RBFOX1: variants seen among roughly 807,000 people sequenced by gnomAD.
RBFOX1 encodes the protein RNA binding protein fox-1 homolog 1.
A neutral mutation model predicts 57.7 loss-of-function variants in RBFOX1; 8 were observed. The observed-to-expected ratio is 0.14, with a 90% CI of 0.08 to 0.25. RBFOX1 has a LOEUF of 0.25. Among genes scored for constraint, RBFOX1 ranks in the 10% least tolerant of loss-of-function variants. The pLI is 1.00. For missense variants in RBFOX1, 611 were observed against 548.5 expected (o/e 1.11, Z -1.14); for synonymous variants, 326 against 222.4 (o/e 1.47, Z -4.15).
intron 4 of RBFOX1, among the ~76,000 whole-genome samples, chr16:5,999,632 T>C (rs1473073769): frequency 2.0e-5 from 3 of 151,490 alleles, no homozygotes; most frequent in Non-Finnish European, 4.4e-5. Context: ...GAGGCTGAGG[T>C]GGGCGGATCA....
intron 4 of RBFOX1, among the ~76,000 whole-genome samples, chr16:7,367,928 A>T (rs1596583960): frequency 6.6e-6 from 1 of 150,866 alleles, no homozygotes; most frequent in Non-Finnish European, 1.5e-5. Context: ...ACTACACATG[A>T]TCAAACACAT....
At chr16:6,843,594 C>T (rs868347893) in intron 3 of RBFOX1, among the ~76,000 whole-genome samples, 6 of 152,142 alleles carry the variant, frequency 3.9e-5, no homozygotes, top group Non-Finnish European at 8.8e-5. Flanking sequence ...GACGTTGAGG[C>T]AGGAGAATGG....
chr16:5,626,346 C>A (rs1338988215), intron 3 of RBFOX1, among the ~76,000 whole-genome samples: 3 of 152,162 alleles, frequency 2.0e-5, no homozygotes, highest in African/African-American at 7.2e-5. Context: ...TGTAGGCTTT[C>A]TGTGTCTGTG....
intron 1 of RBFOX1, among the ~76,000 whole-genome samples, chr16:6,062,017 G>C (rs1199477952): frequency 6.6e-6 from 1 of 152,064 alleles, no homozygotes. Context: ...TTGATCGAGT[G>C]GCTTATAGAA....
chr16:6,478,431 T>A lies in RBFOX1; in HGVS notation c.-64+161374T>A, dbSNP rs28816186. 4.2e-3 allele frequency among the ~76,000 whole-genome samples: 180 copies of A among 42,900 alleles called. 2 individuals carry two copies. Among genetic ancestry groups the A allele is most frequent in the African/African-American group, 0.019 (124 of 6,506 alleles). 28.1% of individuals were successfully genotyped at this position (42,900 alleles called of 152,430 possible). On this transcript the variant is annotated intron_variant, in intron 2 of 15. Transcript: ENST00000550418. ...TATATATATATATATATATATATAT[T>A]TTTTTTTTTTTTTTTTGTATTTTTA...
chr16:6,163,291 T>G (rs2096893009), intron 1 of RBFOX1, among the ~76,000 whole-genome samples: 1 of 152,184 alleles, frequency 6.6e-6, no homozygotes, highest in Non-Finnish European at 1.5e-5. Context: ...GACCAGAGAA[T>G]GAGTGTCAAG....
intron 4 of RBFOX1, among the ~76,000 whole-genome samples, chr16:7,065,152 C>G (rs2055642470): frequency 2.0e-5 from 3 of 152,178 alleles, no homozygotes; most frequent in Admixed American, 2.0e-4. Flanking sequence ...GTAACCTTAC[C>G]TAAATGAGCA....
chr16:6,550,133 C>T (rs545319903), intron 2 of RBFOX1, among the ~76,000 whole-genome samples: 261 of 152,144 alleles, frequency 1.7e-3, no homozygotes, highest in Non-Finnish European at 6.8e-4. Flanking sequence ...GAGTCCCTCT[C>T]CCTCCCCTCT....
rs79997142 is a variant in RBFOX1 at position 7,420,508 on chromosome 16, T to C, written c.28-97639T>C. On this transcript the variant is annotated intron_variant, in intron 4 of 15. Transcript: ENST00000550418. ...ATCGATACATCTCTTGTCAGACTCA[T>C]GTCTGATGTTTGAATCAACCAGGCC... Among the ~76,000 whole-genome samples, 1,049 of 152,330 alleles carry C rather than the reference T, an allele frequency of 6.9e-3. 10 individuals are homozygous for C. Among genetic ancestry groups the C allele is most frequent in the African/African-American group, 0.024 (999 of 41,580 alleles).
At chr16:6,063,380 G>C (rs1487401442) in intron 1 of RBFOX1, among the ~76,000 whole-genome samples, 1 of 151,952 alleles carries the variant, frequency 6.6e-6, no homozygotes, top group Non-Finnish European at 1.5e-5. Context: ...AGGTTTTCCA[G>C]TGTGGAGCAT....
intron 4 of RBFOX1, among the ~76,000 whole-genome samples, chr16:7,338,953 C>T (rs1274716907): frequency 6.6e-6 from 1 of 152,174 alleles, no homozygotes; most frequent in East Asian, 1.9e-4. Context: ...GATATAAATG[C>T]TGGTGGCGTC....
At chr16:7,349,766 G>C (rs368761731) in intron 4 of RBFOX1, among the ~76,000 whole-genome samples, 1 of 152,130 alleles carries the variant, frequency 6.6e-6, no homozygotes. Flanking sequence ...GTGTGAGTAA[G>C]ACCACTTATA....
At chr16:6,646,667 G>A (rs763172734) in intron 2 of RBFOX1, among the ~76,000 whole-genome samples, 1 of 152,094 alleles carries the variant, frequency 6.6e-6, no homozygotes, top group Non-Finnish European at 1.5e-5. Flanking sequence ...ACGGGCAAAA[G>A]CAGACAGAGA....
At chr16:6,810,910 C>T (rs1304008523) in intron 3 of RBFOX1, among the ~76,000 whole-genome samples, 1 of 152,068 alleles carries the variant, frequency 6.6e-6, no homozygotes, top group East Asian at 1.9e-4. Context: ...TGGGTGGAGA[C>T]GGAGCCAAAT....
chr16:6,673,088 G>T (rs891436457), intron 3 of RBFOX1, among the ~76,000 whole-genome samples: 9 of 152,170 alleles, frequency 5.9e-5, no homozygotes, highest in Non-Finnish European at 4.4e-5. Flanking sequence ...AATAGAGATT[G>T]GTCACGTAAA....
chr16:6,005,504 T>C (rs1228485879), intron 4 of RBFOX1, among the ~76,000 whole-genome samples: 1 of 152,224 alleles, frequency 6.6e-6, no homozygotes, highest in Non-Finnish European at 1.5e-5. Flanking sequence ...CATGAAGTGT[T>C]AGGTGATACA....
intron 3 of RBFOX1, among the ~76,000 whole-genome samples, chr16:7,001,360 G>GTA (rs2092772328): frequency 7.0e-6 from 1 of 143,476 alleles, no homozygotes. Flanking sequence ...GTGTGTGTTT[G>GTA]TGTGTATGTG....
At chr16:5,334,397 C>T (rs1010811025) in intron 1 of RBFOX1, among the ~76,000 whole-genome samples, 2 of 152,096 alleles carry the variant, frequency 1.3e-5, no homozygotes, top group African/African-American at 4.8e-5. Flanking sequence ...AGTGCTTGTT[C>T]AAGATGGCTA....
intron 4 of RBFOX1, among the ~76,000 whole-genome samples, chr16:7,374,503 A>G (rs1046920284): frequency 2.6e-5 from 4 of 152,172 alleles, no homozygotes; most frequent in East Asian, 1.9e-4. Context: ...CCTTAAGCCA[A>G]TATGTATATT....
Sources: allele counts gnomAD v4.1 joint callset (sites outside exome capture counted in the v4.1 genomes callset), GRCh38; gene constraint gnomAD v4.1.1; transcripts MANE v1.5; gene names NCBI Gene and HGNC (gene_info 2026-07-23, HGNC 2026-07-21).